Variants in PPP1CC observed in about 807,000 individuals in gnomAD.
PPP1CC encodes the protein protein phosphatase 1 catalytic subunit gamma.
PPP1CC carries 16 observed loss-of-function variants against 38.4 expected under a neutral mutation model. That is an observed-to-expected ratio of 0.42 (90% CI 0.28 to 0.63). PPP1CC has a LOEUF of 0.63. Among genes scored for constraint, PPP1CC ranks in the 30% least tolerant of loss-of-function variants. PPP1CC has a pLI of 0.25. For synonymous variants in PPP1CC, 158 were observed against 136.0 expected, an observed-to-expected ratio of 1.16 and a Z score of -1.13; for missense variants, 170 against 391.3, an observed-to-expected ratio of 0.43 and a Z score of 4.77.
intron 1 of PPP1CC, among the ~76,000 whole-genome samples, chr12:110,734,167 G>A (rs1391365314): frequency 1.3e-5 from 2 of 152,136 alleles, no homozygotes; most frequent in African/African-American, 4.8e-5. Flanking sequence ...TGCTTCTGCC[G>A]GCTCATCTGG....
At chr12:110,718,373 A>C (rs912665338), downstream of PPP1CC, among the ~76,000 whole-genome samples, 6 of 152,244 alleles carry the variant, frequency 3.9e-5, no homozygotes, top group African/African-American at 9.6e-5. Context: ...TGACAAAAAC[A>C]AAACCAAACC....
the PPP1CC span, among the ~76,000 whole-genome samples, chr12:110,709,777 C>A: frequency 6.6e-6 from 1 of 151,298 alleles, no homozygotes; most frequent in African/African-American, 2.4e-5. Flanking sequence ...GAACTCCTGA[C>A]CTCAAGTGAT....
chr12:110,735,615 C>G (rs1435897325), intron 1 of PPP1CC, among the ~76,000 whole-genome samples: 1 of 151,204 alleles, frequency 6.6e-6, no homozygotes, highest in Non-Finnish European at 1.5e-5. Context: ...AACCCCATCT[C>G]TACTAAAAAT....
rs1234259790 is a variant in PPP1CC at position 110,728,397 on chromosome 12, C to CAAA, written c.418+2129_418+2131dup. Among the ~76,000 whole-genome samples the CAAA allele has an allele frequency of 1.7e-4, 13 of 78,674 alleles. 1 individual carries two copies. Among genetic ancestry groups the CAAA allele is most frequent in the African/African-American group, 3.8e-4 (10 of 26,352 alleles). 51.6% of individuals were successfully genotyped at this position (78,674 alleles called of 152,430 possible). A position where few individuals can be genotyped will look rare whatever the true frequency, so the allele number is the denominator to read the frequency against. On this transcript the variant is annotated intron_variant, in intron 3 of 6. Transcript: ENST00000335007. ...TGGGCGACAGAGCGAGACTCCGTCTCAAAAAAAAAAAAAAAAACAAAAAAC... is the reference window on the plus strand; with the variant it reads ...TGGGCGACAGAGCGAGACTCCGTCTCAAAAAAAAAAAAAAAAAAAACAAAAAAC...
downstream of PPP1CC, among the ~76,000 whole-genome samples, chr12:110,719,449 C>T (rs1566079791): frequency 6.6e-6 from 1 of 152,132 alleles, no homozygotes; most frequent in Non-Finnish European, 1.5e-5. Context: ...TTTAGCGTAC[C>T]TTTGAGAAAT....
At chr12:110,725,850 T>C (rs1451864457) in intron 3 of PPP1CC, 4 of 152,150 alleles carry the variant, frequency 2.6e-5, no homozygotes, top group African/African-American at 7.2e-5. Context: ...CCATCTGAGG[T>C]TGGGAGTTTG....
the PPP1CC span, among the ~76,000 whole-genome samples, chr12:110,712,618 C>G: frequency 9.3e-6 from 1 of 107,482 alleles, no homozygotes; most frequent in African/African-American, 3.8e-5. Context: ...CCAGCCTGGG[C>G]GACAGAGAAA....
At chr12:110,740,481 C>T (rs960759534) in intron 1 of PPP1CC, among the ~76,000 whole-genome samples, 1 of 150,870 alleles carries the variant, frequency 6.6e-6, no homozygotes, top group Non-Finnish European at 1.5e-5. Context: ...AATTTATTAC[C>T]AACATCATTT....
At chr12:110,729,408 C>T (rs768183132) in intron 3 of PPP1CC, among the ~76,000 whole-genome samples, 8 of 152,056 alleles carry the variant, frequency 5.3e-5, no homozygotes, top group African/African-American at 1.2e-4. Flanking sequence ...TTGGCCAGGA[C>T]GGTCTTGATC....
At chr12:110,715,780 C>T (rs370902194), downstream of PPP1CC, among the ~76,000 whole-genome samples, 1 of 151,912 alleles carries the variant, frequency 6.6e-6, no homozygotes, top group Non-Finnish European at 1.5e-5. Context: ...CACCACCATG[C>T]CAGGCTAATT....
chr12:110,728,271 C>T (rs1252987414), intron 3 of PPP1CC, among the ~76,000 whole-genome samples: 2 of 151,378 alleles, frequency 1.3e-5, no homozygotes, highest in South Asian at 2.1e-4. Flanking sequence ...TAGTGGCGGG[C>T]GCCTGTAGTC....
chr12:110,734,125 C>T (rs1366075496), intron 1 of PPP1CC, among the ~76,000 whole-genome samples: 1 of 152,134 alleles, frequency 6.6e-6, no homozygotes, highest in Non-Finnish European at 1.5e-5. Context: ...ACCCCCTCAA[C>T]CATGCTTGTA....
chr12:110,737,942 C>A (rs1336292009), intron 1 of PPP1CC, among the ~76,000 whole-genome samples: 2 of 152,018 alleles, frequency 1.3e-5, no homozygotes, highest in Non-Finnish European at 2.9e-5. Flanking sequence ...AAAGTGACAC[C>A]ATTTTTTTCA....
Position 110,731,803 on chromosome 12 carries a change from G to A in PPP1CC, c.154C>T (p.Leu52=). ...SREIFLSQPI[L]LELEAPLKIC... ...TTGAGTGGTGCTTCAAGTTCTAGTA[G>A]GATAGGCTGACTGAGAAAGATTTCA... The change falls in exon 2 of 7, where the codon CTA becomes TTA. Residue 52 remains leucine (L), a synonymous_variant. Coordinates refer to ENST00000335007, the MANE Select transcript of PPP1CC (RefSeq NM_002710.4). The A allele has an allele frequency of 6.2e-7, 1 of 1,613,266 alleles. No homozygotes were observed. Among genetic ancestry groups the A allele is most frequent in the Non-Finnish European group, 8.5e-7 (1 of 1,179,324 alleles).
chr12:110,723,378 G>A (rs2069761146), intron 4 of PPP1CC, among the ~76,000 whole-genome samples: 1 of 152,164 alleles, frequency 6.6e-6, no homozygotes, highest in Non-Finnish European at 1.5e-5. Flanking sequence ...AGAGATAAAA[G>A]ACATTATGCA....
At position 110,728,900 on chromosome 12, in the gene PPP1CC, C is replaced by T. The variant is rs978213197; in HGVS notation, c.418+1629G>A. Among the ~76,000 whole-genome samples the T allele has an allele frequency of 7.2e-5, 11 of 152,292 alleles. No homozygotes were observed. In the East Asian group the frequency reaches 1.9e-3, roughly 27 times the overall value. Reference sequence around the variant, plus strand: ...GTGAATATAATCTTTCTAGGATGCACTTCTAACAAATGTGCTAGCTCAACA... The same window carrying T: ...GTGAATATAATCTTTCTAGGATGCATTTCTAACAAATGTGCTAGCTCAACA... On this transcript the variant is annotated intron_variant, in intron 3 of 6. Transcript: ENST00000335007.
Position 110,719,964 on chromosome 12 carries a change from G to T in PPP1CC, c.*1112C>A. 1 of 598,828 alleles carries T rather than the reference G, an allele frequency of 1.7e-6. No homozygotes were observed. Among genetic ancestry groups the T allele is most frequent in the South Asian group, 2.2e-5 (1 of 46,426 alleles). The allele number at this position is 598,828 out of a possible 1,614,324, so 37.1% of individuals were successfully genotyped here. ...ATTTTCACCACACGGTATTGTACACGGTCATCTGTTGAAACAGATTTCTTT... is the reference window on the plus strand; with the variant it reads ...ATTTTCACCACACGGTATTGTACACTGTCATCTGTTGAAACAGATTTCTTT... On this transcript the variant is annotated 3_prime_UTR_variant, in exon 7 of 7. Transcript: ENST00000335007.
Position 110,742,669 on chromosome 12 carries a change from G to A in PPP1CC, c.39C>T (p.Ile13=). ...CCCCCTTACCTTCCAGCAGCCGTTG[G>A]ATAATGCTGTCGATGTTGAGTTTAT... is the stretch of plus-strand genomic sequence containing the variant. ...DLDKLNIDSI[I]QRLLEVRGSK... The change falls in exon 1 of 7, where the codon ATC becomes ATT. Residue 13 remains isoleucine, a synonymous_variant. Transcript: ENST00000335007. The A allele has an allele frequency of 2.0e-6, 3 of 1,478,166 alleles. No homozygotes were observed. Among genetic ancestry groups the A allele is most frequent in the Non-Finnish European group, 2.7e-6 (3 of 1,107,668 alleles). The allele number at this position is 1,478,166 out of a possible 1,614,324, so 91.6% of individuals were successfully genotyped here. A position where few individuals can be genotyped will look rare whatever the true frequency, so the allele number is the denominator to read the frequency against.
chr12:110,716,080 T>C (rs2069684868), downstream of PPP1CC, among the ~76,000 whole-genome samples: 1 of 149,704 alleles, frequency 6.7e-6, no homozygotes, highest in Non-Finnish European at 1.5e-5. Context: ...AATAGCAAGG[T>C]AAAGACTTAT....
Sources: allele counts gnomAD v4.1 joint callset (sites outside exome capture counted in the v4.1 genomes callset), GRCh38; gene constraint gnomAD v4.1.1; transcripts MANE v1.5; gene names NCBI Gene and HGNC (gene_info 2026-07-23, HGNC 2026-07-21).